GNAQ: variants seen among roughly 807,000 people sequenced by gnomAD.
GNAQ encodes guanine nucleotide-binding protein G(q) subunit alpha.
Under a neutral mutation model 43.9 loss-of-function variants are expected in GNAQ, and 8 were observed. That is an observed-to-expected ratio of 0.18 (90% CI 0.11 to 0.33). The LOEUF (loss-of-function observed/expected upper bound fraction) is 0.33, where lower values mean the gene tolerates loss of function less well. GNAQ is among the 10% of genes least tolerant of loss of function. GNAQ has a pLI of 1.00. For missense variants in GNAQ, 158 were observed against 450.8 expected (o/e 0.35, Z 5.88); for synonymous variants, 155 against 170.7 (o/e 0.91, Z 0.71).
chr9:78,003,268 G>C (rs2118557589), intron 1 of GNAQ, among the ~76,000 whole-genome samples: 2 of 152,254 alleles, frequency 1.3e-5, no homozygotes, highest in East Asian at 3.9e-4. Context: ...TTAGATGAGA[G>C]AGCACTAGCT....
At chr9:77,962,489 C>G (rs1171089493) in intron 1 of GNAQ, among the ~76,000 whole-genome samples, 1 of 151,986 alleles carries the variant, frequency 6.6e-6, no homozygotes. Context: ...AAAACACTTT[C>G]AATATGAAGA....
intron 2 of GNAQ, among the ~76,000 whole-genome samples, chr9:77,840,398 A>T (rs1324520649): frequency 6.7e-6 from 1 of 148,844 alleles, no homozygotes; most frequent in Non-Finnish European, 1.5e-5. Context: ...GTACAGTGGC[A>T]TAATCTTGGC....
intron 3 of GNAQ, among the ~76,000 whole-genome samples, chr9:77,809,093 T>C (rs775770316): frequency 2.6e-5 from 4 of 152,172 alleles, no homozygotes; most frequent in Non-Finnish European, 5.9e-5. Context: ...ACATAATATA[T>C]TGGTGCTAGT....
At chr9:77,754,061 C>A (rs573218959) in intron 5 of GNAQ, among the ~76,000 whole-genome samples, 1 of 152,216 alleles carries the variant, frequency 6.6e-6, no homozygotes, top group East Asian at 1.9e-4. Flanking sequence ...TGTAAAGAAA[C>A]CAAATTAAAA....
chr9:77,849,440 G>T lies in GNAQ; in HGVS notation c.322-33670C>A, dbSNP rs111587460. On this transcript the variant is annotated intron_variant, in intron 2 of 6. Transcript: ENST00000286548. ...CAGGAGTTCAATGTGGAGCCATGTG[G>T]GGTCTACAACTAGAATGATGATTTA... Among the ~76,000 whole-genome samples the T allele has an allele frequency of 6.5e-3, 985 of 152,168 alleles. 4 individuals carry two copies. Among genetic ancestry groups the T allele is most frequent in the African/African-American group, 0.022 (932 of 41,496 alleles).
At chr9:78,002,480 C>T (rs1421059557) in intron 1 of GNAQ, among the ~76,000 whole-genome samples, 1 of 152,140 alleles carries the variant, frequency 6.6e-6, no homozygotes, top group African/African-American at 2.4e-5. Flanking sequence ...AACTTCAGGG[C>T]CCCTCCAGAC....
chr9:77,721,578 G>T (rs1264587506), intron 6 of GNAQ, 65 bp from the exon 7 acceptor site: 2 of 929,170 alleles, frequency 2.2e-6, no homozygotes, highest in African/African-American at 1.6e-5. Flanking sequence ...AATCATCATT[G>T]GTTCAATAAA....
Position 77,868,775 on chromosome 9 carries a change from C to A in GNAQ, c.322-53005G>T, listed in dbSNP as rs1401284691. 2.0e-5 allele frequency among the ~76,000 whole-genome samples: 3 copies of A among 151,750 alleles called. 1 individual carries two copies. The South Asian group carries it at 6.2e-4, about 31-fold the overall frequency. ...GGGCCACTGCACTCCAGCCTGGTGA[C>A]AGAGCGAGACTCCATCTCAAAACAA... is the stretch of plus-strand genomic sequence containing the variant. On this transcript the variant is annotated intron_variant, in intron 2 of 6. Coordinates refer to ENST00000286548, the MANE Select transcript of GNAQ (RefSeq NM_002072.5).
chr9:77,981,882 T>C (rs1293142127), intron 1 of GNAQ, among the ~76,000 whole-genome samples: 2 of 152,228 alleles, frequency 1.3e-5, no homozygotes, highest in African/African-American at 4.8e-5. Context: ...TCCATATGGC[T>C]AGTTAACTGC....
intron 1 of GNAQ, among the ~76,000 whole-genome samples, chr9:77,960,050 T>A (rs1823088857): frequency 6.6e-6 from 1 of 152,268 alleles, no homozygotes; most frequent in East Asian, 1.9e-4. Flanking sequence ...TTTTTTTTTA[T>A]TCATATAATT....
chr9:77,765,709 A>G (rs1431714023), intron 5 of GNAQ, among the ~76,000 whole-genome samples: 1 of 152,266 alleles, frequency 6.6e-6, no homozygotes, highest in East Asian at 1.9e-4. Flanking sequence ...CAATTCATCA[A>G]AAAGTAAAAA....
At chr9:77,972,778 C>A (rs1394211675) in intron 1 of GNAQ, among the ~76,000 whole-genome samples, 3 of 151,726 alleles carry the variant, frequency 2.0e-5, no homozygotes, top group African/African-American at 7.3e-5. Flanking sequence ...CATGGGGAAA[C>A]CCCATCTCTA....
intron 1 of GNAQ, among the ~76,000 whole-genome samples, chr9:77,937,389 G>T (rs190395609): frequency 2.0e-5 from 3 of 152,050 alleles, no homozygotes; most frequent in African/African-American, 4.8e-5. Context: ...AGTGAGCCAA[G>T]ATCGCACCAC....
Position 78,020,853 on chromosome 9 carries a change from G to A in GNAQ, c.136+10247C>T, listed in dbSNP as rs892281849. ...TGAGGTCAAGGTAAGGAAGCCCAAC[G>A]CTGATAAGTTGATGAGGAGAAGGCC... is the stretch of plus-strand genomic sequence containing the variant. On this transcript the variant is annotated intron_variant, in intron 1 of 6. Coordinates refer to ENST00000286548, the MANE Select transcript of GNAQ (RefSeq NM_002072.5). Among the ~76,000 whole-genome samples the A allele has an allele frequency of 3.9e-5, 6 of 152,070 alleles. No individual in the cohort carries two copies. The East Asian group carries it at 9.6e-4, about 24-fold the overall frequency.
At chr9:77,742,763 G>C (rs1430474342) in intron 5 of GNAQ, among the ~76,000 whole-genome samples, 1 of 152,160 alleles carries the variant, frequency 6.6e-6, no homozygotes, top group Admixed American at 6.5e-5. Context: ...CTATAGTGAA[G>C]GACTGTGGGG....
intron 2 of GNAQ, among the ~76,000 whole-genome samples, chr9:77,892,494 T>C (rs952457814): frequency 2.0e-5 from 3 of 152,226 alleles, no homozygotes; most frequent in African/African-American, 4.8e-5. Context: ...CCCACTTTCA[T>C]GGACAGTGTT....
At chr9:77,941,320 GC>G (rs753873094) in intron 1 of GNAQ, among the ~76,000 whole-genome samples, 21 of 152,022 alleles carry the variant, frequency 1.4e-4, no homozygotes, top group East Asian at 3.9e-4. Context: ...CGCAATCTTG[GC>G]TCAGTACAAG....
intron 5 of GNAQ, among the ~76,000 whole-genome samples, chr9:77,762,634 T>C (rs1826062811): frequency 6.6e-6 from 1 of 150,770 alleles, no homozygotes; most frequent in African/African-American, 2.4e-5. Flanking sequence ...ATGATGACAA[T>C]GGTGGTTTTG....
At chr9:77,967,783 C>T (rs570809547) in intron 1 of GNAQ, among the ~76,000 whole-genome samples, 64 of 152,124 alleles carry the variant, frequency 4.2e-4, no homozygotes, top group African/African-American at 1.5e-3. Flanking sequence ...AGTTCGAAAC[C>T]AGCCTGGTCA....
Sources: allele counts gnomAD v4.1 joint callset (sites outside exome capture counted in the v4.1 genomes callset), GRCh38; gene constraint gnomAD v4.1.1; transcripts MANE v1.5; gene names NCBI Gene and HGNC (gene_info 2026-07-23, HGNC 2026-07-21).